Variants in CNTN5 observed in about 807,000 individuals in gnomAD.
CNTN5 encodes the protein contactin 5.
Under a neutral mutation model 129.1 loss-of-function variants are expected in CNTN5, and 77 were observed. The ratio of observed to expected loss-of-function variants is 0.60; its 90% CI spans 0.50 to 0.72. The LOEUF is 0.72. Among genes scored for constraint, CNTN5 ranks in the 30% least tolerant of loss-of-function variants. The pLI is 0.00. For missense variants in CNTN5, 1,478 were observed against 1,328.8 expected, an observed-to-expected ratio of 1.11 and a Z score of -1.75; for synonymous variants, 509 against 465.6, an observed-to-expected ratio of 1.09 and a Z score of -1.20.
chr11:100,119,042 C>CA (rs5794038), intron 13 of CNTN5, among the ~76,000 whole-genome samples: 27,347 of 142,580 alleles, frequency 0.19, 3,329 homozygotes, highest in African/African-American at 0.36. Flanking sequence ...AAGACTGGTT[C>CA]AAAAAAAAAA....
At chr11:100,066,018 G>A (rs1203274748) in intron 10 of CNTN5, among the ~76,000 whole-genome samples, 1 of 151,986 alleles carries the variant, frequency 6.6e-6, no homozygotes, top group Non-Finnish European at 1.5e-5. Context: ...GTTTTATGGA[G>A]AAAAAATTCT....
At chr11:100,041,627 A>G (rs1201560475) in intron 9 of CNTN5, among the ~76,000 whole-genome samples, 1 of 152,238 alleles carries the variant, frequency 6.6e-6, no homozygotes, top group Non-Finnish European at 1.5e-5. Context: ...CAAAAATGAT[A>G]TGTGAGAAAG....
chr11:100,023,976 T>A (rs1000387513), intron 9 of CNTN5, among the ~76,000 whole-genome samples: 1 of 152,202 alleles, frequency 6.6e-6, no homozygotes, highest in Non-Finnish European at 1.5e-5. Flanking sequence ...AATATCCATG[T>A]GCATGGTTTT....
chr11:100,091,424 C>CTTTTTTTTTTTTTTTTTT (rs60075209), intron 13 of CNTN5, among the ~76,000 whole-genome samples: 3 of 114,442 alleles, frequency 2.6e-5, no homozygotes, highest in Non-Finnish European at 5.2e-5. Context: ...TTTATTTATT[C>CTTTTTTTTTTTTTTTTTT]TTTTTTTTTT....
chr11:99,646,023 C>CA, intron 3 of CNTN5, among the ~76,000 whole-genome samples: 1 of 152,286 alleles, frequency 6.6e-6, no homozygotes, highest in Non-Finnish European at 1.5e-5. Flanking sequence ...AATAGCAGAG[C>CA]AAAAGTTTAC....
intron 3 of CNTN5, among the ~76,000 whole-genome samples, chr11:99,683,080 G>A (rs1487399986): frequency 1.3e-5 from 2 of 151,784 alleles, no homozygotes; most frequent in Non-Finnish European, 2.9e-5. Context: ...TTCATGTATT[G>A]TAAATATTAT....
At chr11:99,655,374 C>G (rs147922617) in intron 3 of CNTN5, among the ~76,000 whole-genome samples, 13 of 152,044 alleles carry the variant, frequency 8.6e-5, no homozygotes, top group Admixed American at 5.9e-4. Flanking sequence ...TATTTCTGTC[C>G]AGAACTTGGC....
intron 3 of CNTN5, among the ~76,000 whole-genome samples, chr11:99,611,335 TAG>T (rs989967462): frequency 2.0e-5 from 3 of 152,148 alleles, no homozygotes; most frequent in Admixed American, 6.6e-5. Context: ...CACCAGTATT[TAG>T]AGATTCCCCC....
At chr11:99,437,841 A>G (rs1943661580) in intron 2 of CNTN5, among the ~76,000 whole-genome samples, 1 of 152,130 alleles carries the variant, frequency 6.6e-6, no homozygotes, top group Admixed American at 6.6e-5. Context: ...CAAACAAACA[A>G]AAAAAGTAAT....
chr11:99,816,432 C>T (rs1275133636), intron 3 of CNTN5, among the ~76,000 whole-genome samples: 1 of 152,172 alleles, frequency 6.6e-6, no homozygotes, highest in Non-Finnish European at 1.5e-5. Flanking sequence ...GCACCATAGG[C>T]TCTCCATGTG....
Position 100,118,617 on chromosome 11 carries a change from T to C in CNTN5, c.1580+44323T>C, listed in dbSNP as rs183012647. Among the ~76,000 whole-genome samples the C allele has an allele frequency of 3.0e-3, 450 of 152,018 alleles. 3 individuals are homozygous for C. Among genetic ancestry groups the C allele is most frequent in the African/African-American group, 9.8e-3 (409 of 41,526 alleles). On this transcript the variant is annotated intron_variant, in intron 13 of 24. Transcript: ENST00000524871. ...TGTAATTACTTTGGATTTTAACTAA[T>C]ACATCTTTTTCATTTTGGAAATTGA...
At chr11:99,978,931 C>A (rs910388581) in intron 8 of CNTN5, among the ~76,000 whole-genome samples, 1 of 152,168 alleles carries the variant, frequency 6.6e-6, no homozygotes, top group East Asian at 1.9e-4. Flanking sequence ...TCTATAAGGT[C>A]AGGCAGAGAG....
chr11:99,732,355 A>G lies in CNTN5; in HGVS notation c.56-87189A>G, dbSNP rs1943563126. Reference sequence around the variant, plus strand: ...ACTGATAATAAGTTTAGAAGGGAGAACATGGAAGCAGAAATACATTTTAAA... The same window carrying G: ...ACTGATAATAAGTTTAGAAGGGAGAGCATGGAAGCAGAAATACATTTTAAA... On this transcript the variant is annotated intron_variant, in intron 3 of 24. Transcript: ENST00000524871. Among the ~76,000 whole-genome samples, 3 of 152,186 alleles carry G rather than the reference A, an allele frequency of 2.0e-5. 1 individual carries two copies. Among genetic ancestry groups the G allele is most frequent in the South Asian group, 4.1e-4 (2 of 4,834 alleles).
chr11:99,307,918 G>A (rs1407235415), intron 1 of CNTN5, among the ~76,000 whole-genome samples: 3 of 152,152 alleles, frequency 2.0e-5, no homozygotes, highest in Non-Finnish European at 4.4e-5. Context: ...ACCAGCATAG[G>A]CTTACACAGA....
chr11:99,457,439 A>C (rs1944537387), intron 2 of CNTN5, among the ~76,000 whole-genome samples: 1 of 151,902 alleles, frequency 6.6e-6, no homozygotes, highest in Non-Finnish European at 1.5e-5. Context: ...AGTTTTAAAA[A>C]AAGAAATAGG....
chr11:99,264,480 A>G (rs1862793906), intron 1 of CNTN5, among the ~76,000 whole-genome samples: 1 of 152,088 alleles, frequency 6.6e-6, no homozygotes, highest in African/African-American at 2.4e-5. Context: ...TTGGGGATCT[A>G]TAATATGAAT....
Position 99,858,180 on chromosome 11 carries a change from C to G in CNTN5, c.577+12918C>G, listed in dbSNP as rs1948098680. On this transcript the variant is annotated intron_variant, in intron 6 of 24. Transcript: ENST00000524871. ...TTAGAGAATTGTCTTTCCTAGCTCA[C>G]AGGAAATTAAATAGCATTTTCAAAG... is the stretch of plus-strand genomic sequence containing the variant. Among the ~76,000 whole-genome samples the G allele has an allele frequency of 2.0e-5, 3 of 152,184 alleles. No homozygotes were observed. In the South Asian group the frequency reaches 6.2e-4, roughly 32 times the overall value.
At chr11:100,098,446 T>G (rs748181283) in intron 13 of CNTN5, among the ~76,000 whole-genome samples, 14 of 152,046 alleles carry the variant, frequency 9.2e-5, no homozygotes, top group Non-Finnish European at 1.8e-4. Context: ...ATTTTCTTAT[T>G]TCCAACAGGT....
chr11:100,035,149 G>T (rs1941917081), intron 9 of CNTN5, among the ~76,000 whole-genome samples: 1 of 152,012 alleles, frequency 6.6e-6, no homozygotes, highest in Admixed American at 6.6e-5. Flanking sequence ...AGTCCCCGAT[G>T]TGTGATGTTC....
Sources: gnomAD v4.1 joint callset for allele counts (sites outside exome capture counted in the v4.1 genomes callset) on GRCh38, gnomAD v4.1.1 for gene constraint, MANE v1.5 for transcripts, NCBI Gene and HGNC (gene_info 2026-07-23, HGNC 2026-07-21) for gene names.